ASB15: variants seen among roughly 807,000 people sequenced by gnomAD.
ASB15 encodes ankyrin repeat and SOCS box protein 15.
In ASB15, 54 loss-of-function variants were observed where a neutral mutation model predicts 58.0. That is an observed-to-expected ratio of 0.93 (90% CI 0.75 to 1.17). The LOEUF (loss-of-function observed/expected upper bound fraction) is 1.17. Among genes scored for constraint, ASB15 ranks in the 50% most tolerant of loss-of-function variants. ASB15 has a pLI of 0.00. For missense variants in ASB15, 680 were observed against 707.4 expected, an observed-to-expected ratio of 0.96 and a Z score of 0.44; for synonymous variants, 249 against 262.4, an observed-to-expected ratio of 0.95 and a Z score of 0.50.
intron 1 of ASB15, among the ~76,000 whole-genome samples, chr7:123,593,334 T>C (rs1799597707): frequency 6.6e-6 from 1 of 152,206 alleles, no homozygotes; most frequent in Admixed American, 6.5e-5. Flanking sequence ...CTGGTTATTT[T>C]GCCCGTTAAT....
chr7:123,590,127 A>T (rs1237164669), intron 1 of ASB15, among the ~76,000 whole-genome samples: 3 of 152,092 alleles, frequency 2.0e-5, no homozygotes, highest in African/African-American at 7.2e-5. Flanking sequence ...TCTTTTGAGA[A>T]GTGTCTGTTC....
intron 11 of ASB15, among the ~76,000 whole-genome samples, chr7:123,631,425 C>T (rs957267850): frequency 6.6e-6 from 1 of 152,096 alleles, no homozygotes; most frequent in African/African-American, 2.4e-5. Context: ...TGTATATGTA[C>T]AGTGTGCTAT....
intron 9 of ASB15, 110 bp downstream of exon 9, chr7:123,627,391 C>A: frequency 1.2e-6 from 1 of 836,658 alleles, no homozygotes; most frequent in Non-Finnish European, 1.7e-6. Context: ...GAGAAATAGG[C>A]ATAATCTTCA....
Position 123,637,844 on chromosome 7 carries a change from A to G in ASB15, c.*863A>G, listed in dbSNP as rs1802495709. 6.9e-6 allele frequency: 1 copy of G among 144,070 alleles called. No homozygotes were observed. The highest frequency in any genetic ancestry group is 7.2e-5 in the Admixed American group (1 of 13,876). 8.9% of individuals were successfully genotyped at this position (144,070 alleles called of 1,614,324 possible). A position where few individuals can be genotyped will look rare whatever the true frequency, so the allele number is the denominator to read the frequency against. ...TGGCCTCATGAACATTTGAACACAA[A>G]GACACCTCAAATTCAACATGTCCCC... On this transcript the variant is annotated 3_prime_UTR_variant, in exon 12 of 12. Transcript: ENST00000451215.
intron 3 of ASB15, chr7:123,612,429 A>G (rs1312547416): frequency 6.6e-6 from 1 of 152,262 alleles, no homozygotes; most frequent in Non-Finnish European, 1.5e-5. Context: ...AAGCAAATAC[A>G]GAATGAATGA....
At chr7:123,636,743 G>C (rs1313248239) in intron 11 of ASB15, 66 bp from the exon 12 acceptor site, 1 of 1,336,658 alleles carries the variant, frequency 7.5e-7, no homozygotes, top group Non-Finnish European at 1.0e-6. Flanking sequence ...TTCTGAAACA[G>C]TCATATCTTA....
chr7:123,584,308 CAAAAAAAAAAA>C (rs59126257), intron 1 of ASB15, among the ~76,000 whole-genome samples: 1 of 99,532 alleles, frequency 1.0e-5, no homozygotes, highest in African/African-American at 3.9e-5. Flanking sequence ...AAGGCCTTGT[CAAAAAAAAAAA>C]AAAAAAAAAA....
At chr7:123,574,197 C>G (rs1798996414) in intron 1 of ASB15, among the ~76,000 whole-genome samples, 1 of 151,760 alleles carries the variant, frequency 6.6e-6, no homozygotes, top group African/African-American at 2.4e-5. Context: ...GGTTCCATCT[C>G]CTTTTTTTTT....
intron 11 of ASB15, among the ~76,000 whole-genome samples, chr7:123,630,523 G>T (rs933898756): frequency 3.0e-4 from 45 of 152,136 alleles, no homozygotes; most frequent in African/African-American, 1.0e-3. Flanking sequence ...ATGAACAGCA[G>T]GGATTAGAAT....
At chr7:123,628,482 G>C (rs1562939510) in intron 9 of ASB15, among the ~76,000 whole-genome samples, 1 of 152,160 alleles carries the variant, frequency 6.6e-6, no homozygotes, top group African/African-American at 2.4e-5. Context: ...AGATTATGAA[G>C]CATTCCTCTG....
chr7:123,627,881 A>C (rs1801896887), intron 9 of ASB15, among the ~76,000 whole-genome samples: 1 of 152,240 alleles, frequency 6.6e-6, no homozygotes, highest in African/African-American at 2.4e-5. Context: ...AGGCAATTAA[A>C]TATATTTCAT....
At chr7:123,596,702 T>A (rs1316946558) in intron 1 of ASB15, among the ~76,000 whole-genome samples, 4 of 152,226 alleles carry the variant, frequency 2.6e-5, no homozygotes, top group African/African-American at 9.6e-5. Context: ...GTTAAATTTA[T>A]ATAATTTCTT....
At chr7:123,574,495 T>G (rs1441727325) in intron 1 of ASB15, among the ~76,000 whole-genome samples, 2 of 152,138 alleles carry the variant, frequency 1.3e-5, no homozygotes, top group Non-Finnish European at 2.9e-5. Flanking sequence ...AGTTCTCAGG[T>G]GATGATAATG....
chr7:123,617,522 G>A (rs903774254), intron 6 of ASB15, 57 bp from the exon 7 acceptor site: 11 of 1,448,650 alleles, frequency 7.6e-6, no homozygotes, highest in Non-Finnish European at 1.0e-5. Context: ...TCTGATTTGT[G>A]TAATATCCTA....
At chr7:123,572,290 C>T (rs1387676706) in intron 1 of ASB15, among the ~76,000 whole-genome samples, 15 of 151,322 alleles carry the variant, frequency 9.9e-5, no homozygotes, top group Non-Finnish European at 1.5e-4. Flanking sequence ...TGTAGGCACG[C>T]GCCACCATGC....
At chr7:123,626,563 T>A (rs1484903893) in intron 8 of ASB15, among the ~76,000 whole-genome samples, 1 of 152,244 alleles carries the variant, frequency 6.6e-6, no homozygotes, top group Non-Finnish European at 1.5e-5. Context: ...TTGCCTGTCA[T>A]GAAAATTGAC....
intron 1 of ASB15, among the ~76,000 whole-genome samples, chr7:123,572,414 C>T (rs1306762008): frequency 6.6e-6 from 1 of 151,922 alleles, no homozygotes; most frequent in African/African-American, 2.4e-5. Flanking sequence ...ACTGGGATTA[C>T]AGGCACGAGC....
intron 1 of ASB15, among the ~76,000 whole-genome samples, chr7:123,594,746 C>T (rs1263118606): frequency 6.6e-6 from 1 of 152,134 alleles, no homozygotes; most frequent in African/African-American, 2.4e-5. Flanking sequence ...GGGTCAGGGA[C>T]CCACTTAAGG....
In ASB15 at chr7:123,627,092, C is replaced by A. The variant is rs1285768437; in HGVS notation, c.698-18C>A. 1 of 1,604,540 alleles carries A rather than the reference C, an allele frequency of 6.2e-7. No individual in the cohort carries two copies. Among genetic ancestry groups the A allele is most frequent in the African/African-American group, 1.3e-5 (1 of 74,856 alleles). On this transcript the variant is annotated intron_variant, in intron 8 of 11. Transcript: ENST00000451215. ...CAATACCATCCAGTTATCATTATGCCACGTTTTATACTGCCAGGTGGTGAT... is the reference window on the plus strand; with the variant it reads ...CAATACCATCCAGTTATCATTATGCAACGTTTTATACTGCCAGGTGGTGAT...
Sources: allele counts gnomAD v4.1 joint callset (sites outside exome capture counted in the v4.1 genomes callset), GRCh38; gene constraint gnomAD v4.1.1; transcripts MANE v1.5; gene names NCBI Gene and HGNC (gene_info 2026-07-23, HGNC 2026-07-21).